Variants in BTC observed in about 807,000 individuals in gnomAD.
The protein encoded by BTC is betacellulin.
Under a neutral mutation model 18.1 loss-of-function variants are expected in BTC, and 13 were observed. The observed-to-expected ratio is 0.72, with a 90% CI of 0.47 to 1.14. The LOEUF is 1.14. Among genes scored for constraint, BTC ranks in the 50% most tolerant of loss-of-function variants. BTC has a pLI of 0.00. For missense variants in BTC, 247 were observed against 224.2 expected, an observed-to-expected ratio of 1.10 and a Z score of -0.65; for synonymous variants, 83 against 79.4, an observed-to-expected ratio of 1.05 and a Z score of -0.24.
chr4:74,777,735 G>A (rs1326860888), intron 1 of BTC, among the ~76,000 whole-genome samples: 1 of 152,096 alleles, frequency 6.6e-6, no homozygotes, highest in African/African-American at 2.4e-5. Context: ...TACCATTTAT[G>A]TCAGTTGGGA....
chr4:74,778,122 C>G (rs1725225295), intron 1 of BTC, among the ~76,000 whole-genome samples: 1 of 152,030 alleles, frequency 6.6e-6, no homozygotes, highest in African/African-American at 2.4e-5. Flanking sequence ...TGTAATGTTA[C>G]AGCGTTCTCC....
At chr4:74,793,617 G>T (rs1277625954) in intron 1 of BTC, among the ~76,000 whole-genome samples, 1 of 152,052 alleles carries the variant, frequency 6.6e-6, no homozygotes, top group East Asian at 1.9e-4. Flanking sequence ...ACCTTCCCTC[G>T]GTGGAGGGGA....
intron 4 of BTC, 40 bp downstream of exon 4, chr4:74,750,533 T>C: frequency 6.4e-7 from 1 of 1,569,970 alleles, no homozygotes; most frequent in South Asian, 1.2e-5. Context: ...GCAAATACTG[T>C]TTCTCAGATT....
rs1414637886 is a variant in BTC at position 74,770,175 on chromosome 4, A to G, written c.65-19T>C. The G allele has an allele frequency of 5.1e-6, 8 of 1,575,726 alleles. No individual in the cohort carries two copies. The highest frequency in any genetic ancestry group is 1.2e-5 in the South Asian group (1 of 86,158). On this transcript the variant is annotated intron_variant, in intron 1 of 5. Transcript: ENST00000395743. ...ACTAGACCTTCAAATTCAAAACAGAACCAAAATCAAACATGAAAATTTGCT... is the reference window on the plus strand; with the variant it reads ...ACTAGACCTTCAAATTCAAAACAGAGCCAAAATCAAACATGAAAATTTGCT...
intron 1 of BTC, among the ~76,000 whole-genome samples, chr4:74,772,816 C>T (rs149825564): frequency 6.6e-6 from 1 of 152,318 alleles, no homozygotes; most frequent in African/African-American, 2.4e-5. Flanking sequence ...CACGCCTTCT[C>T]ACTATCACTT....
intron 3 of BTC, among the ~76,000 whole-genome samples, chr4:74,752,460 C>A (rs1553956290): frequency 6.8e-6 from 1 of 147,550 alleles, no homozygotes; most frequent in Non-Finnish European, 1.5e-5. Context: ...TTCACTGCAA[C>A]CTCCGTCTCC....
intron 2 of BTC, among the ~76,000 whole-genome samples, chr4:74,767,415 T>C (rs749825461): frequency 8.6e-5 from 13 of 151,942 alleles, no homozygotes; most frequent in African/African-American, 1.2e-4. Flanking sequence ...AAAATATTAA[T>C]TAAAGAAATT....
At chr4:74,760,891 C>G (rs1034468626) in intron 2 of BTC, among the ~76,000 whole-genome samples, 1 of 152,108 alleles carries the variant, frequency 6.6e-6, no homozygotes, top group African/African-American at 2.4e-5. Context: ...CCCACCACCA[C>G]GCCTGGCTAA....
chr4:74,761,049 C>A (rs540178692), intron 2 of BTC, among the ~76,000 whole-genome samples: 64 of 152,030 alleles, frequency 4.2e-4, no homozygotes, highest in Non-Finnish European at 7.6e-4. Flanking sequence ...TGTCTTTTAA[C>A]TAGGAGGGCC....
chr4:74,750,122 A>T (rs1364554202), intron 4 of BTC, among the ~76,000 whole-genome samples: 2 of 152,098 alleles, frequency 1.3e-5, no homozygotes, highest in African/African-American at 2.4e-5. Flanking sequence ...TACAAATAAA[A>T]ATTGTGCAAA....
chr4:74,790,853 A>C (rs1261613914), intron 1 of BTC, among the ~76,000 whole-genome samples: 1 of 152,184 alleles, frequency 6.6e-6, no homozygotes, highest in African/African-American at 2.4e-5. Flanking sequence ...GGAGTCCAAG[A>C]ATCTGTCAGA....
intron 1 of BTC, among the ~76,000 whole-genome samples, chr4:74,784,641 T>C (rs1489497264): frequency 5.3e-5 from 8 of 152,236 alleles, no homozygotes; most frequent in Admixed American, 5.2e-4. Context: ...CGAAGGGATG[T>C]TGAATTTTAT....
chr4:74,789,903 C>G (rs185488812), intron 1 of BTC, among the ~76,000 whole-genome samples: 3 of 152,272 alleles, frequency 2.0e-5, no homozygotes, highest in African/African-American at 7.2e-5. Context: ...GATATCAATG[C>G]TAGGCAAGTG....
chr4:74,778,646 AC>A (rs1725238954), intron 1 of BTC, among the ~76,000 whole-genome samples: 1 of 152,156 alleles, frequency 6.6e-6, no homozygotes, highest in African/African-American at 2.4e-5. Context: ...AATGTATCAG[AC>A]CCAATCACTT....
Position 74,744,771 on chromosome 4 carries a change from A to G in BTC, c.*1906T>C, listed in dbSNP as rs1553955124. On this transcript the variant is annotated 3_prime_UTR_variant, in exon 6 of 6. Coordinates refer to ENST00000395743, the MANE Select transcript of BTC (RefSeq NM_001729.4). ...ACCACACGTTTACTTTGTTTTAAAA[A>G]TAAATTTATTTTATTACATGATAAT... is the stretch of plus-strand genomic sequence containing the variant. 1 of 152,278 alleles carries G rather than the reference A, an allele frequency of 6.6e-6. No individual in the cohort carries two copies. The highest frequency in any genetic ancestry group is 1.5e-5 in the Non-Finnish European group (1 of 68,050). The allele number at this position is 152,278 out of a possible 1,614,324, so 9.4% of individuals were successfully genotyped here. A position where few individuals can be genotyped will look rare whatever the true frequency, so the allele number is the denominator to read the frequency against.
chr4:74,792,659 C>G (rs1473740636), intron 1 of BTC, among the ~76,000 whole-genome samples: 1 of 152,214 alleles, frequency 6.6e-6, no homozygotes, highest in Admixed American at 6.5e-5. Context: ...CTCAGAAATT[C>G]TACTCTTTCC....
intron 1 of BTC, among the ~76,000 whole-genome samples, chr4:74,779,962 G>T (rs1188048761): frequency 1.3e-5 from 2 of 152,122 alleles, no homozygotes; most frequent in East Asian, 3.9e-4. Context: ...AAGTGGCAAT[G>T]TGTTAAGCTG....
At chr4:74,760,046 T>C (rs1724708356) in intron 2 of BTC, among the ~76,000 whole-genome samples, 1 of 152,250 alleles carries the variant, frequency 6.6e-6, no homozygotes, top group South Asian at 2.1e-4. Flanking sequence ...ATAAAACCTT[T>C]GCTTATTTAT....
intron 1 of BTC, among the ~76,000 whole-genome samples, chr4:74,785,751 A>T (rs1725461346): frequency 1.3e-5 from 2 of 152,294 alleles, no homozygotes; most frequent in Non-Finnish European, 2.9e-5. Flanking sequence ...CACTGTGGTA[A>T]ATTTATCAGG....
Sources: gnomAD v4.1 joint callset for allele counts (sites outside exome capture counted in the v4.1 genomes callset) on GRCh38, gnomAD v4.1.1 for gene constraint, MANE v1.5 for transcripts, NCBI Gene and HGNC (gene_info 2026-07-23, HGNC 2026-07-21) for gene names.